SSBP3: variants seen among roughly 807,000 people sequenced by gnomAD.
The protein encoded by SSBP3 is single stranded DNA binding protein 3, also known as single-stranded DNA-binding protein 3.
Under a neutral mutation model 69.6 loss-of-function variants are expected in SSBP3, and 5 were observed. The observed-to-expected ratio is 0.07, with a 90% CI of 0.04 to 0.15. The LOEUF (loss-of-function observed/expected upper bound fraction) is 0.15. Ranked by LOEUF, SSBP3 falls within the 10% of genes least tolerant of loss-of-function variation. The probability of loss-of-function intolerance (pLI) is 1.00; values close to 1 mark genes in which losing one functional copy is unlikely to be tolerated. For synonymous variants in SSBP3, 196 were observed against 193.4 expected, an observed-to-expected ratio of 1.01 and a Z score of -0.11; for missense variants, 312 against 534.0, an observed-to-expected ratio of 0.58 and a Z score of 4.10.
intron 4 of SSBP3, among the ~76,000 whole-genome samples, chr1:54,302,002 A>G (rs1645810847): frequency 6.7e-6 from 1 of 149,560 alleles, no homozygotes; most frequent in South Asian, 2.1e-4. Context: ...GGCACGAACT[A>G]TGCAATCCTC....
chr1:54,387,411 G>C (rs1040798971), intron 4 of SSBP3, among the ~76,000 whole-genome samples: 1 of 152,130 alleles, frequency 6.6e-6, no homozygotes, highest in Non-Finnish European at 1.5e-5. Flanking sequence ...TAAATCCAAC[G>C]TGGGCTCTTT....
intron 4 of SSBP3, among the ~76,000 whole-genome samples, chr1:54,388,784 T>C (rs1020608023): frequency 1.3e-5 from 2 of 152,210 alleles, no homozygotes; most frequent in African/African-American, 4.8e-5. Context: ...AGAGAAGCCT[T>C]GCATGCACAG....
At chr1:54,243,388 G>A (rs1279954814) in intron 9 of SSBP3, 89 bp from the exon 10 acceptor site, 3 of 1,460,854 alleles carry the variant, frequency 2.1e-6, no homozygotes, top group Non-Finnish European at 2.9e-6. Context: ...AACATAGTGA[G>A]AGGGTTAGTC....
intron 5 of SSBP3, among the ~76,000 whole-genome samples, chr1:54,271,682 T>C (rs970938871): frequency 3.3e-5 from 5 of 152,206 alleles, no homozygotes; most frequent in Non-Finnish European, 7.3e-5. Context: ...ATGAAGGGTG[T>C]GCCCCTCTAC....
At chr1:54,299,009 C>T (rs1179926916) in intron 4 of SSBP3, among the ~76,000 whole-genome samples, 1 of 150,230 alleles carries the variant, frequency 6.7e-6, no homozygotes, top group African/African-American at 2.5e-5. Context: ...CATGGAGATA[C>T]AAACACTCAC....
intron 5 of SSBP3, among the ~76,000 whole-genome samples, chr1:54,271,946 T>C (rs1645201667): frequency 6.6e-6 from 1 of 152,122 alleles, no homozygotes; most frequent in Admixed American, 6.5e-5. Flanking sequence ...ATTTTTCTAT[T>C]TTCAATACAG....
intron 4 of SSBP3, among the ~76,000 whole-genome samples, chr1:54,321,715 C>T (rs1251769281): frequency 2.0e-5 from 3 of 152,226 alleles, no homozygotes; most frequent in Non-Finnish European, 4.4e-5. Flanking sequence ...AAAGGACAAC[C>T]GACTAGCATC....
chr1:54,297,283 C>A (rs754357180), intron 4 of SSBP3, among the ~76,000 whole-genome samples: 21 of 152,218 alleles, frequency 1.4e-4, no homozygotes, highest in Non-Finnish European at 2.1e-4. Context: ...CCATTCCCTG[C>A]CTGGCCTACC....
chr1:54,368,009 T>C (rs141840198), intron 4 of SSBP3, among the ~76,000 whole-genome samples: 48 of 152,198 alleles, frequency 3.2e-4, no homozygotes, highest in African/African-American at 1.0e-3. Flanking sequence ...TTTAAAAAGA[T>C]AGAAAACCTA....
chr1:54,340,796 C>T (rs1304469872), intron 4 of SSBP3, among the ~76,000 whole-genome samples: 2 of 152,324 alleles, frequency 1.3e-5, no homozygotes, highest in Non-Finnish European at 2.9e-5. Flanking sequence ...ACTCCCATAC[C>T]AGCCCAGAGG....
At chr1:54,365,975 C>A (rs1647023882) in intron 4 of SSBP3, among the ~76,000 whole-genome samples, 1 of 152,198 alleles carries the variant, frequency 6.6e-6, no homozygotes, top group Admixed American at 6.5e-5. Flanking sequence ...GCAGTTCTGA[C>A]CTCACGGAGT....
intron 5 of SSBP3, among the ~76,000 whole-genome samples, chr1:54,266,128 C>T (rs539072219): frequency 6.6e-6 from 1 of 152,366 alleles, no homozygotes; most frequent in Non-Finnish European, 1.5e-5. Context: ...TCTCCAGCGC[C>T]TGGACTGCGA....
At chr1:54,406,747 G>A (rs892532200), upstream of SSBP3, among the ~76,000 whole-genome samples, 138 of 152,092 alleles carry the variant, frequency 9.1e-4, no homozygotes, top group Middle Eastern at 6.9e-3. Flanking sequence ...GGGCTAGGGG[G>A]GCGCTGCGGC....
At chr1:54,402,883 G>A (rs1455062524) in intron 3 of SSBP3, among the ~76,000 whole-genome samples, 2 of 152,176 alleles carry the variant, frequency 1.3e-5, no homozygotes, top group Non-Finnish European at 2.9e-5. Context: ...CAAATCAGGA[G>A]CCCGAGGCCC....
At chr1:54,342,338 G>A (rs201176612) in intron 4 of SSBP3, among the ~76,000 whole-genome samples, 2 of 152,350 alleles carry the variant, frequency 1.3e-5, no homozygotes, top group East Asian at 3.9e-4. Context: ...TCAGGTTAAT[G>A]CATTTTTAAA....
intron 4 of SSBP3, among the ~76,000 whole-genome samples, chr1:54,372,642 T>C (rs1221828268): frequency 6.7e-6 from 1 of 148,568 alleles, no homozygotes; most frequent in Non-Finnish European, 1.5e-5. Flanking sequence ...ACTCAATAAA[T>C]GGTGACCACG....
At chr1:54,322,968 G>T (rs969843267) in intron 4 of SSBP3, among the ~76,000 whole-genome samples, 16 of 152,202 alleles carry the variant, frequency 1.1e-4, no homozygotes, top group African/African-American at 3.9e-4. Flanking sequence ...ATAATAACTC[G>T]TACTCCATGG....
At chr1:54,296,721 A>G (rs1241425155) in intron 4 of SSBP3, among the ~76,000 whole-genome samples, 1 of 152,186 alleles carries the variant, frequency 6.6e-6, no homozygotes, top group Non-Finnish European at 1.5e-5. Context: ...CCTGGCACGC[A>G]TCCATCAGGT....
At chr1:54,281,867 C>A (rs147646989) in intron 4 of SSBP3, among the ~76,000 whole-genome samples, 1 of 152,070 alleles carries the variant, frequency 6.6e-6, no homozygotes, top group African/African-American at 2.4e-5. Flanking sequence ...GAGGTTGAGG[C>A]TGGAGAATCG....
Sources: gnomAD v4.1 joint callset for allele counts (sites outside exome capture counted in the v4.1 genomes callset) on GRCh38, gnomAD v4.1.1 for gene constraint, MANE v1.5 for transcripts, NCBI Gene and HGNC (gene_info 2026-07-23, HGNC 2026-07-21) for gene names.